INPP4A: variants seen among roughly 807,000 people sequenced by gnomAD.
INPP4A encodes inositol polyphosphate-4-phosphatase, type I, 107kD.
INPP4A carries 33 observed loss-of-function variants against 119.8 expected under a neutral mutation model. That is an observed-to-expected ratio of 0.28 (90% CI 0.21 to 0.37). INPP4A has a LOEUF of 0.37. INPP4A is among the 10% of genes least tolerant of loss of function. The pLI, the probability that INPP4A is intolerant of heterozygous loss-of-function variation, is 1.00. For missense variants in INPP4A, 956 were observed against 1,289.9 expected, an observed-to-expected ratio of 0.74 and a Z score of 3.97; for synonymous variants, 496 against 500.7, an observed-to-expected ratio of 0.99 and a Z score of 0.12.
chr2:98,478,479 G>T lies in INPP4A; in HGVS notation c.-166+33394G>T, dbSNP rs958605907. Among the ~76,000 whole-genome samples the T allele has an allele frequency of 9.2e-5, 14 of 152,272 alleles. No individual in the cohort carries two copies. The East Asian group carries it at 2.7e-3, about 29-fold the overall frequency. The stretch of plus-strand genomic sequence containing the variant: ...AGTGCCTCTCCACCAGACCTGCGCT[G>T]CTGTTAGAGTCAAGGCGAGGCAGGG... On this transcript the variant is annotated intron_variant, in intron 1 of 24. Transcript: ENST00000409851.
chr2:98,507,357 T>A (rs184314931), intron 1 of INPP4A, among the ~76,000 whole-genome samples: 1 of 152,270 alleles, frequency 6.6e-6, no homozygotes, highest in Non-Finnish European at 1.5e-5. Flanking sequence ...TATGTGTTTA[T>A]GTTGTGTGTC....
rs191679448 is a variant in INPP4A at position 98,499,225 on chromosome 2, G to T, written c.-165-19739G>T. Among the ~76,000 whole-genome samples, 250 of 152,256 alleles carry T rather than the reference G, an allele frequency of 1.6e-3. 2 individuals carry two copies. Among genetic ancestry groups the T allele is most frequent in the African/African-American group, 5.7e-3 (237 of 41,544 alleles). On this transcript the variant is annotated intron_variant, in intron 1 of 24. Coordinates refer to ENST00000409851, the MANE Select transcript of INPP4A (RefSeq NM_001134225.2). ...CCATCTGTCAGCCTGCTGTGGAGTC[G>T]GGTTGTGAGCACGGTGATACAGGGG...
intron 24 of INPP4A, among the ~76,000 whole-genome samples, chr2:98,585,258 G>C (rs554309180): frequency 6.6e-6 from 1 of 152,292 alleles, no homozygotes; most frequent in South Asian, 2.1e-4. Context: ...AGATACTGAT[G>C]CCTGCAGATG....
At chr2:98,576,853 A>G in intron 23 of INPP4A, 136 bp from the exon 24 acceptor site, 1 of 1,027,734 alleles carries the variant, frequency 9.7e-7, no homozygotes, top group Admixed American at 2.7e-5. Context: ...ACAAAATTGG[A>G]GCGTCTGGCC....
intron 24 of INPP4A, 43 bp downstream of exon 24, chr2:98,577,186 C>G: frequency 6.5e-7 from 1 of 1,528,258 alleles, no homozygotes; most frequent in East Asian, 2.5e-5. Flanking sequence ...TGCCCCGGCC[C>G]GTGTAAACTG....
At chr2:98,563,176 A>G (rs1695801199) in intron 17 of INPP4A, among the ~76,000 whole-genome samples, 1 of 152,078 alleles carries the variant, frequency 6.6e-6, no homozygotes, top group Non-Finnish European at 1.5e-5. Context: ...TTTTCCTCCG[A>G]AGGCATTGTC....
In INPP4A at chr2:98,539,000, T is replaced by G. The variant is rs1234801517; in HGVS notation, c.670+19T>G. 1 of 1,514,590 alleles carries G rather than the reference T, an allele frequency of 6.6e-7. No individual in the cohort carries two copies. The highest frequency in any genetic ancestry group is 9.1e-7 in the Non-Finnish European group (1 of 1,096,934). The allele number at this position is 1,514,590 out of a possible 1,614,324, so 93.8% of individuals were successfully genotyped here. ...AAATCGGGTAAACAGCTTCCTCCTT[T>G]GGTATTCTTGCCTCTCTAGTGAGTA... On this transcript the variant is annotated intron_variant, in intron 9 of 24. Transcript: ENST00000409851.
chr2:98,519,460 C>CGG, intron 2 of INPP4A: 1 of 152,684 alleles, frequency 6.5e-6, no homozygotes, highest in South Asian at 2.1e-4. Flanking sequence ...TTATGCAGCT[C>CGG]TGGGAAGAAA....
chr2:98,568,994 C>G (rs148314063), intron 22 of INPP4A: 83 of 224,608 alleles, frequency 3.7e-4, no homozygotes, highest in African/African-American at 1.7e-3. Flanking sequence ...AGAGGCAGGA[C>G]CCACCCTCGG....
intron 5 of INPP4A, among the ~76,000 whole-genome samples, chr2:98,535,167 A>T (rs999199036): frequency 2.0e-5 from 3 of 152,276 alleles, no homozygotes; most frequent in Admixed American, 6.5e-5. Context: ...CCAGGCTGCC[A>T]GGAAATAGTC....
At chr2:98,500,296 G>T (rs879634707) in intron 1 of INPP4A, among the ~76,000 whole-genome samples, 12 of 152,136 alleles carry the variant, frequency 7.9e-5, no homozygotes, top group Admixed American at 2.0e-4. Context: ...CCAGCAGCTG[G>T]TTGGTGTCTG....
intron 4 of INPP4A, among the ~76,000 whole-genome samples, chr2:98,523,258 A>T (rs1327784494): frequency 6.6e-6 from 1 of 152,212 alleles, no homozygotes; most frequent in Admixed American, 6.5e-5. Context: ...GACATTTCTG[A>T]ATCTGGTGAA....
intron 1 of INPP4A, among the ~76,000 whole-genome samples, chr2:98,500,085 C>G (rs1682816499): frequency 1.3e-5 from 2 of 152,228 alleles, no homozygotes; most frequent in African/African-American, 4.8e-5. Context: ...TTAATCCTAA[C>G]TCCTACCTTT....
At chr2:98,542,583 T>C (rs537250644) in intron 10 of INPP4A, among the ~76,000 whole-genome samples, 1 of 152,362 alleles carries the variant, frequency 6.6e-6, no homozygotes, top group East Asian at 1.9e-4. Flanking sequence ...TTTCAGGGAT[T>C]AGCTACCGAT....
At chr2:98,493,024 A>G (rs571071873) in intron 1 of INPP4A, among the ~76,000 whole-genome samples, 1 of 152,296 alleles carries the variant, frequency 6.6e-6, no homozygotes, top group East Asian at 1.9e-4. Flanking sequence ...TCAGCCTGAA[A>G]GACCCTCCAC....
chr2:98,462,438 ACT>A (rs1041275839), intron 1 of INPP4A, among the ~76,000 whole-genome samples: 13 of 152,236 alleles, frequency 8.5e-5, no homozygotes, highest in African/African-American at 2.9e-4. Flanking sequence ...ACAGATGGAG[ACT>A]CTGTCTCAAA....
In INPP4A at chr2:98,488,102, G is replaced by A. The variant is rs939325371; in HGVS notation, c.-165-30862G>A. Among the ~76,000 whole-genome samples, 6 of 152,250 alleles carry A rather than the reference G, an allele frequency of 3.9e-5. No homozygotes were observed. The East Asian group carries it at 1.2e-3, about 29-fold the overall frequency. ...CAGATTGTTCCAGCTTTGGCCACTG[G>A]GGGCTCTTTCAGTTAGCTCGTGTTC... On this transcript the variant is annotated intron_variant, in intron 1 of 24. Coordinates refer to ENST00000409851, the MANE Select transcript of INPP4A (RefSeq NM_001134225.2).
intron 1 of INPP4A, among the ~76,000 whole-genome samples, chr2:98,457,918 A>T (rs1696406436): frequency 6.6e-6 from 1 of 151,902 alleles, no homozygotes; most frequent in Non-Finnish European, 1.5e-5. Context: ...CTCCCACCTC[A>T]GCCTCCCAAT....
chr2:98,526,132 A>T (rs766169508), intron 4 of INPP4A, among the ~76,000 whole-genome samples: 44 of 152,358 alleles, frequency 2.9e-4, no homozygotes, highest in Middle Eastern at 6.8e-3. Context: ...TTATCAATAC[A>T]TGTAACAACA....
Sources: allele counts gnomAD v4.1 joint callset (sites outside exome capture counted in the v4.1 genomes callset), GRCh38; gene constraint gnomAD v4.1.1; transcripts MANE v1.5; gene names NCBI Gene and HGNC (gene_info 2026-07-23, HGNC 2026-07-21).